MSH4: variants seen among roughly 807,000 people sequenced by gnomAD.
MSH4 encodes the protein mutS homolog 4.
MSH4 carries 106 observed loss-of-function variants against 113.7 expected under a neutral mutation model. That is an observed-to-expected ratio of 0.93 (90% CI 0.80 to 1.10). The LOEUF is 1.10. Ranked by LOEUF, MSH4 falls within the 50% of genes least tolerant of loss-of-function variation. The pLI, the probability that MSH4 is intolerant of heterozygous loss-of-function variation, is 0.00. For synonymous variants in MSH4, 368 were observed against 380.2 expected (o/e 0.97, Z 0.37); for missense variants, 1,061 against 1,093.7 (o/e 0.97, Z 0.42).
At chr1:75,908,986 T>A (rs1398614067) in intron 19 of MSH4, among the ~76,000 whole-genome samples, 2 of 152,202 alleles carry the variant, frequency 1.3e-5, no homozygotes, top group Non-Finnish European at 2.9e-5. Flanking sequence ...ACATCCACAC[T>A]GATTTGGTGT....
At chr1:75,798,648 C>T (rs1296318640) in intron 1 of MSH4, among the ~76,000 whole-genome samples, 1 of 151,158 alleles carries the variant, frequency 6.6e-6, no homozygotes, top group African/African-American at 2.4e-5. Context: ...CCTCAAATTC[C>T]TGGGCTCAAG....
At chr1:75,814,981 G>A (rs1650266116) in intron 4 of MSH4, 40 bp from the exon 5 acceptor site, 1 of 1,219,832 alleles carries the variant, frequency 8.2e-7, no homozygotes, top group African/African-American at 1.5e-5. Context: ...CAAGCGCATG[G>A]CACTTCAAAC....
At chr1:75,826,153 G>A (rs1364129577) in intron 7 of MSH4, among the ~76,000 whole-genome samples, 1 of 152,122 alleles carries the variant, frequency 6.6e-6, no homozygotes, top group Non-Finnish European at 1.5e-5. Context: ...CTTGTTATTG[G>A]TCTAGTCACA....
In MSH4 at chr1:75,822,575, C is replaced by T. The variant is rs775713439; in HGVS notation, c.1156C>T (p.Gln386Ter). The T allele has an allele frequency of 1.4e-6, 2 of 1,474,612 alleles. No homozygotes were observed. Among genetic ancestry groups the T allele is most frequent in the Non-Finnish European group, 1.8e-6 (2 of 1,103,556 alleles). The allele number at this position is 1,474,612 out of a possible 1,614,324, so 91.3% of individuals were successfully genotyped here. ...LQDEELFFGL[Q>*]SVISRFLDTE... ...AGATGAGGAACTATTTTTTGGACTT[C>T]AATCAGGTAAATCAATATTATTTAA... The change falls in exon 7 of 20, where the codon CAA becomes TAA. Residue 386 changes from glutamine to a stop codon, truncating the protein, a stop_gained. Coordinates refer to ENST00000263187, the MANE Select transcript of MSH4 (RefSeq NM_002440.4). LOFTEE classifies it high-confidence loss of function.
chr1:75,831,964 A>C (rs527441062), intron 7 of MSH4, among the ~76,000 whole-genome samples: 1 of 152,326 alleles, frequency 6.6e-6, no homozygotes, highest in Non-Finnish European at 1.5e-5. Context: ...ATAGAGACAC[A>C]AAAAACCCTT....
chr1:75,797,763 C>T (rs1649849585), intron 1 of MSH4, among the ~76,000 whole-genome samples: 1 of 152,264 alleles, frequency 6.6e-6, no homozygotes, highest in Middle Eastern at 3.4e-3. Context: ...GAACCTCCCA[C>T]CCCCATCCCC....
chr1:75,826,414 C>T (rs1040904363), intron 7 of MSH4, among the ~76,000 whole-genome samples: 4 of 152,106 alleles, frequency 2.6e-5, no homozygotes, highest in Non-Finnish European at 4.4e-5. Flanking sequence ...AAAACCAGCT[C>T]CCCGGTTCAT....
At chr1:75,884,335 G>A (rs5745490) in intron 15 of MSH4, among the ~76,000 whole-genome samples, 2,697 of 152,160 alleles carry the variant, frequency 0.018, 33 homozygotes, top group Admixed American at 0.027. Flanking sequence ...CTAAATGGCT[G>A]TCACTGACCC....
chr1:75,892,386 CTCTCTCTCTT>C (rs1340986358), intron 17 of MSH4, among the ~76,000 whole-genome samples: 1 of 151,400 alleles, frequency 6.6e-6, no homozygotes, highest in Non-Finnish European at 1.5e-5. Flanking sequence ...CACTCTCTCT[CTCTCTCTCTT>C]TCTCTCTCTC....
chr1:75,815,280 AT>A, intron 5 of MSH4, 144 bp downstream of exon 5: 2 of 489,938 alleles, frequency 4.1e-6, no homozygotes, highest in East Asian at 3.5e-5. Context: ...TCTCTGCTGC[AT>A]TCCTACCACC....
intron 7 of MSH4, among the ~76,000 whole-genome samples, chr1:75,827,591 C>T (rs984420644): frequency 6.6e-6 from 1 of 150,920 alleles, no homozygotes; most frequent in Non-Finnish European, 1.5e-5. Context: ...TTCAGGAGAC[C>T]CATCTCACAT....
intron 7 of MSH4, among the ~76,000 whole-genome samples, chr1:75,835,928 C>G (rs1650818042): frequency 6.6e-6 from 1 of 152,146 alleles, no homozygotes; most frequent in Admixed American, 6.5e-5. Flanking sequence ...TCTTGGATCC[C>G]TTTTACCTTT....
intron 7 of MSH4, among the ~76,000 whole-genome samples, chr1:75,828,894 GA>G (rs572809395): frequency 5.3e-5 from 8 of 152,310 alleles, no homozygotes; most frequent in Non-Finnish European, 1.2e-4. Context: ...CAACACAGAA[GA>G]CGGGTGATTT....
intron 7 of MSH4, among the ~76,000 whole-genome samples, chr1:75,837,238 G>A (rs77243037): frequency 0.011 from 1,674 of 152,158 alleles, 41 homozygotes; most frequent in African/African-American, 0.038. Flanking sequence ...GGCTCTTACC[G>A]GACACTGAAT....
chr1:75,842,385 CTG>C (rs1229887632), intron 7 of MSH4, among the ~76,000 whole-genome samples: 3 of 152,124 alleles, frequency 2.0e-5, no homozygotes, highest in Non-Finnish European at 2.9e-5. Context: ...GGAAGGAAAA[CTG>C]TGGGCAGCAA....
chr1:75,879,346 G>A (rs1401258408), intron 12 of MSH4, among the ~76,000 whole-genome samples: 1 of 151,904 alleles, frequency 6.6e-6, no homozygotes, highest in Non-Finnish European at 1.5e-5. Context: ...CTGGGAGCTT[G>A]GTGTAAGAAA....
chr1:75,832,216 C>T (rs1465541641), intron 7 of MSH4, among the ~76,000 whole-genome samples: 1 of 152,252 alleles, frequency 6.6e-6, no homozygotes, highest in Non-Finnish European at 1.5e-5. Context: ...GAGACATACA[C>T]CCTCCCAAGA....
Position 75,912,942 on chromosome 1 carries a change from T to C in MSH4, c.*55T>C. 8.6e-7 allele frequency: 1 copy of C among 1,166,114 alleles called. No homozygotes were observed. The highest frequency in any genetic ancestry group is 1.6e-5 in the African/African-American group (1 of 62,128). 72.2% of individuals were successfully genotyped at this position (1,166,114 alleles called of 1,614,324 possible). A position where few individuals can be genotyped will look rare whatever the true frequency, so the allele number is the denominator to read the frequency against. Reference sequence around the variant, plus strand: ...ATTCAAGGAACCTAGAATTTATTTTTCTCCTTAGAGATAAGGAAAATAACA... The same window carrying C: ...ATTCAAGGAACCTAGAATTTATTTTCCTCCTTAGAGATAAGGAAAATAACA... On this transcript the variant is annotated 3_prime_UTR_variant, in exon 20 of 20. Transcript: ENST00000263187.
chr1:75,821,668 G>T (rs1650414861), intron 6 of MSH4, among the ~76,000 whole-genome samples: 2 of 152,172 alleles, frequency 1.3e-5, no homozygotes, highest in Admixed American at 6.5e-5. Context: ...GAATACAGTG[G>T]TGCAAGTATG....
Sources: allele counts gnomAD v4.1 joint callset (sites outside exome capture counted in the v4.1 genomes callset), GRCh38; gene constraint gnomAD v4.1.1; transcripts MANE v1.5; gene names NCBI Gene and HGNC (gene_info 2026-07-23, HGNC 2026-07-21).